FAT3: variants seen among roughly 807,000 people sequenced by gnomAD.
The protein encoded by FAT3 is protocadherin Fat 3.
In FAT3, 95 loss-of-function variants were observed where a neutral mutation model predicts 310.2. That is an observed-to-expected ratio of 0.31 (90% CI 0.26 to 0.36). The LOEUF (loss-of-function observed/expected upper bound fraction) is 0.36. Ranked by LOEUF, FAT3 falls within the 10% of genes least tolerant of loss-of-function variation. The pLI, the probability that FAT3 is intolerant of heterozygous loss-of-function variation, is 1.00. For missense variants in FAT3, 5,408 were observed against 5,715.6 expected (o/e 0.95, Z 1.74); for synonymous variants, 2,314 against 2,192.9 (o/e 1.06, Z -1.54).
At chr11:92,670,781 G>C (rs1943103082) in intron 3 of FAT3, among the ~76,000 whole-genome samples, 1 of 152,184 alleles carries the variant, frequency 6.6e-6, no homozygotes, top group African/African-American at 2.4e-5. Context: ...AAGTGAGACA[G>C]GTTAGGGTGA....
At chr11:92,277,721 G>A (rs932115290) in intron 1 of FAT3, among the ~76,000 whole-genome samples, 2 of 152,092 alleles carry the variant, frequency 1.3e-5, no homozygotes, top group South Asian at 4.2e-4. Context: ...AGAGAGGAGG[G>A]CAAGGGTTGA....
rs1185337349 is a variant in FAT3 at position 92,354,713 on chromosome 11, T to C, written c.2601T>C (p.Thr867=). The C allele has an allele frequency of 1.2e-6, 2 of 1,613,878 alleles. No homozygotes were observed. Among genetic ancestry groups the C allele is most frequent in the South Asian group, 1.1e-5 (1 of 91,076 alleles). ...ACTTAGGTTCTAATGGTGAAGTGAC[T>C]TACTCAGTCTTGACAGATACACAGC... The part of the protein sequence containing the change: ...DKDLGSNGEV[T]YSVLTDTQQF... The change falls in exon 2 of 28, where the codon ACT becomes ACC. Residue 867 remains threonine, a synonymous_variant. Coordinates refer to ENST00000525166, the MANE Select transcript of FAT3 (RefSeq NM_001367949.2).
At chr11:92,876,193 A>G (rs531391597) in intron 22 of FAT3, among the ~76,000 whole-genome samples, 2 of 152,208 alleles carry the variant, frequency 1.3e-5, no homozygotes, top group South Asian at 4.2e-4. Context: ...CCCATCATTG[A>G]TGTGCTTTTC....
chr11:92,246,390 C>T (rs57733199), intron 1 of FAT3, among the ~76,000 whole-genome samples: 197 of 151,988 alleles, frequency 1.3e-3, no homozygotes, highest in African/African-American at 4.3e-3. Context: ...GAAAAGGGAG[C>T]AGATGAAAAT....
At chr11:92,266,565 TAG>T (rs995358876) in intron 1 of FAT3, among the ~76,000 whole-genome samples, 1 of 152,162 alleles carries the variant, frequency 6.6e-6, no homozygotes, top group African/African-American at 2.4e-5. Flanking sequence ...GGGAATTTAG[TAG>T]AACATTTTGC....
intron 3 of FAT3, among the ~76,000 whole-genome samples, chr11:92,602,473 G>C (rs1940076751): frequency 6.6e-6 from 1 of 152,160 alleles, no homozygotes; most frequent in South Asian, 2.1e-4. Flanking sequence ...AGATTGGCCG[G>C]TTAGCCTGTT....
Position 92,762,269 on chromosome 11 carries a change from A to C in FAT3, c.3984+99A>C, listed in dbSNP as rs1399027107. On this transcript the variant is annotated intron_variant, in intron 5 of 27. Transcript: ENST00000525166. The stretch of plus-strand genomic sequence containing the variant: ...TGAGCAATAAATCTTTAGAGTAAAA[A>C]GTGAAGCCACACAGCTGTGGAAGGG... 1.9e-5 allele frequency: 24 copies of C among 1,259,104 alleles called. No homozygotes were observed. The South Asian group carries it at 3.5e-4, about 18-fold the overall frequency. 78.0% of individuals were successfully genotyped at this position (1,259,104 alleles called of 1,614,324 possible). A position where few individuals can be genotyped will look rare whatever the true frequency, so the allele number is the denominator to read the frequency against.
chr11:92,770,180 A>G (rs957950474), intron 6 of FAT3, among the ~76,000 whole-genome samples: 11 of 152,310 alleles, frequency 7.2e-5, no homozygotes, highest in Admixed American at 3.3e-4. Context: ...TTGATCCCAA[A>G]TAAGCCTCTC....
chr11:92,546,238 T>A (rs1041556747), intron 3 of FAT3, among the ~76,000 whole-genome samples: 1 of 152,206 alleles, frequency 6.6e-6, no homozygotes, highest in Non-Finnish European at 1.5e-5. Flanking sequence ...CCTCTGCCCT[T>A]CCATCCCTGT....
chr11:92,357,650 A>T (rs893398063), intron 2 of FAT3, among the ~76,000 whole-genome samples: 10 of 152,030 alleles, frequency 6.6e-5, no homozygotes, highest in Non-Finnish European at 1.3e-4. Context: ...CCACTGCTAT[A>T]CAGATGACTA....
At chr11:92,692,182 A>G (rs1223901689) in intron 3 of FAT3, among the ~76,000 whole-genome samples, 1 of 152,294 alleles carries the variant, frequency 6.6e-6, no homozygotes, top group South Asian at 2.1e-4. Flanking sequence ...AAAACATTAA[A>G]GTTATTCAAA....
intron 3 of FAT3, among the ~76,000 whole-genome samples, chr11:92,531,881 T>C (rs748202277): frequency 6.6e-6 from 1 of 152,096 alleles, no homozygotes; most frequent in Non-Finnish European, 1.5e-5. Context: ...CTATATGTTA[T>C]ATAAGATGTT....
chr11:92,509,852 A>T (rs1361646231), intron 2 of FAT3, among the ~76,000 whole-genome samples: 2 of 152,210 alleles, frequency 1.3e-5, no homozygotes, highest in African/African-American at 4.8e-5. Flanking sequence ...TTATCTCTGG[A>T]TCATGACATA....
intron 2 of FAT3, among the ~76,000 whole-genome samples, chr11:92,503,098 T>A (rs954886913): frequency 6.6e-6 from 1 of 152,082 alleles, no homozygotes; most frequent in Non-Finnish European, 1.5e-5. Context: ...TAAGGTTCAG[T>A]TCACAGTCCC....
intron 3 of FAT3, among the ~76,000 whole-genome samples, chr11:92,610,004 C>G (rs1940488217): frequency 6.6e-6 from 1 of 152,112 alleles, no homozygotes; most frequent in Non-Finnish European, 1.5e-5. Context: ...TACATTGATA[C>G]TGCACAAAGC....
chr11:92,817,373 C>T (rs1947851732), intron 13 of FAT3, among the ~76,000 whole-genome samples: 1 of 152,102 alleles, frequency 6.6e-6, no homozygotes, highest in Admixed American at 6.5e-5. Context: ...CTGCCTTTCC[C>T]CTAAAGTTAA....
intron 22 of FAT3, 108 bp from the exon 23 acceptor site, chr11:92,880,619 CCCTT>C: frequency 8.2e-7 from 1 of 1,220,942 alleles, no homozygotes; most frequent in East Asian, 2.6e-5. Flanking sequence ...GGAATTTGGG[CCCTT>C]CCTATTATAC....
At chr11:92,693,300 G>A (rs1343880788) in intron 3 of FAT3, among the ~76,000 whole-genome samples, 2 of 152,114 alleles carry the variant, frequency 1.3e-5, no homozygotes, top group African/African-American at 4.8e-5. Flanking sequence ...ATTTATCTTT[G>A]AAATTCAGTT....
chr11:92,841,569 T>C (rs1948550315), intron 18 of FAT3, among the ~76,000 whole-genome samples: 2 of 152,226 alleles, frequency 1.3e-5, no homozygotes, highest in African/African-American at 4.8e-5. Context: ...AACTCTTCAA[T>C]TGCCATCTGC....
Sources: allele counts gnomAD v4.1 joint callset (sites outside exome capture counted in the v4.1 genomes callset), GRCh38; gene constraint gnomAD v4.1.1; transcripts MANE v1.5; gene names NCBI Gene and HGNC (gene_info 2026-07-23, HGNC 2026-07-21).